Variants in MEMO1 observed in about 807,000 individuals in gnomAD.
MEMO1 encodes protein MEMO1.
Under a neutral mutation model 45.2 loss-of-function variants are expected in MEMO1, and 6 were observed. That is an observed-to-expected ratio of 0.13 (90% confidence interval 0.07 to 0.26). MEMO1 has a LOEUF of 0.26. MEMO1 is among the 10% of genes least tolerant of loss of function. The pLI, the probability that MEMO1 is intolerant of heterozygous loss-of-function variation, is 1.00. For missense variants in MEMO1, 184 were observed against 370.5 expected, an observed-to-expected ratio of 0.50 and a Z score of 4.13; for synonymous variants, 78 against 124.3, an observed-to-expected ratio of 0.63 and a Z score of 2.48.
rs188548601 is a variant in MEMO1, at chr2:31,902,926, C to G, written c.438-10792G>C. Among the ~76,000 whole-genome samples, 7 of 151,984 alleles carry G rather than the reference C, an allele frequency of 4.6e-5. No homozygotes were observed. In the East Asian group the frequency reaches 1.4e-3, roughly 29 times the overall value. On this transcript the variant is annotated intron_variant, in intron 6 of 9. Coordinates refer to ENST00000404530, the MANE Select transcript of MEMO1 (RefSeq NM_001301833.4). ...AAACAGACTATGAAAATTCTAAATT[C>G]TAATTCTAACATAAAAAGATGAATT... is the stretch of plus-strand genomic sequence containing the variant.
At chr2:31,962,795 G>C (rs1215659469) in intron 2 of MEMO1, among the ~76,000 whole-genome samples, 1 of 152,142 alleles carries the variant, frequency 6.6e-6, no homozygotes, top group Non-Finnish European at 1.5e-5. Flanking sequence ...TTTATGTGTT[G>C]ACTTAACTGG....
intron 2 of MEMO1, among the ~76,000 whole-genome samples, chr2:31,959,767 T>C (rs909076688): frequency 2.0e-4 from 20 of 99,662 alleles, no homozygotes; most frequent in Non-Finnish European, 3.8e-4. Context: ...AAACACAACC[T>C]TGGGCATCAG....
At chr2:31,889,998 G>C (rs556961904) in intron 7 of MEMO1, among the ~76,000 whole-genome samples, 9 of 152,004 alleles carry the variant, frequency 5.9e-5, no homozygotes, top group Non-Finnish European at 1.2e-4. Flanking sequence ...GAAATCAGGA[G>C]ACAAAACAAC....
intron 2 of MEMO1, among the ~76,000 whole-genome samples, chr2:31,997,316 C>G (rs1189080220): frequency 6.6e-6 from 1 of 152,136 alleles, no homozygotes; most frequent in African/African-American, 2.4e-5. Context: ...ACACTATATT[C>G]AGAGAAACAA....
At chr2:31,992,287 A>G (rs186295997) in intron 2 of MEMO1, among the ~76,000 whole-genome samples, 1 of 152,332 alleles carries the variant, frequency 6.6e-6, no homozygotes, top group Admixed American at 6.5e-5. Flanking sequence ...TCACTTACAT[A>G]TTAACTATAG....
chr2:31,991,839 TG>T (rs764754647), intron 2 of MEMO1, among the ~76,000 whole-genome samples: 2 of 152,172 alleles, frequency 1.3e-5, no homozygotes, highest in African/African-American at 4.8e-5. Context: ...AGGAGGGAAA[TG>T]TTTTTTTAAA....
Position 31,900,867 on chromosome 2 carries a change from C to T in MEMO1, c.438-8733G>A, listed in dbSNP as rs74775027. Among the ~76,000 whole-genome samples the T allele has an allele frequency of 1.8e-3, 276 of 152,134 alleles. 4 individuals are homozygous for T. In the East Asian group the frequency reaches 0.044, roughly 24 times the overall value. On this transcript the variant is annotated intron_variant, in intron 6 of 9. Transcript: ENST00000404530. ...ACTATTCCTAAAATATAAAATGGTA[C>T]AGTCACTTTGGAAAACACTTTGGTA...
chr2:31,894,597 A>C (rs539653837), intron 6 of MEMO1, among the ~76,000 whole-genome samples: 63 of 151,938 alleles, frequency 4.1e-4, no homozygotes, highest in Non-Finnish European at 7.9e-4. Context: ...TGTACAGGGG[A>C]CTCCCATAAG....
intron 8 of MEMO1, among the ~76,000 whole-genome samples, chr2:31,870,873 C>T (rs577765709): frequency 1.8e-4 from 28 of 152,140 alleles, no homozygotes; most frequent in Admixed American, 8.5e-4. Context: ...TCACTGCACC[C>T]GGCCTACAAC....
At chr2:31,949,880 G>C (rs1666635631) in intron 2 of MEMO1, among the ~76,000 whole-genome samples, 1 of 149,546 alleles carries the variant, frequency 6.7e-6, no homozygotes. Flanking sequence ...AACATCTCAT[G>C]TACCTCCCAT....
At chr2:31,874,834 A>T (rs998340793) in intron 8 of MEMO1, among the ~76,000 whole-genome samples, 2 of 151,930 alleles carry the variant, frequency 1.3e-5, no homozygotes, top group Non-Finnish European at 2.9e-5. Context: ...AATCTCTTAG[A>T]AAATAAATAT....
At chr2:31,896,031 G>GA (rs1465960234) in intron 6 of MEMO1, among the ~76,000 whole-genome samples, 4 of 151,600 alleles carry the variant, frequency 2.6e-5, no homozygotes, top group Middle Eastern at 3.2e-3. Context: ...TTTTAGTAGA[G>GA]ACGGGGTTTC....
chr2:31,978,419 G>A (rs538155458), intron 2 of MEMO1, among the ~76,000 whole-genome samples: 127 of 152,246 alleles, frequency 8.3e-4, no homozygotes, highest in Middle Eastern at 3.4e-3. Flanking sequence ...AAATGCAAGT[G>A]CAAATGCCTG....
intron 6 of MEMO1, among the ~76,000 whole-genome samples, chr2:31,905,870 C>T (rs1205663181): frequency 6.6e-6 from 1 of 152,158 alleles, no homozygotes; most frequent in African/African-American, 2.4e-5. Flanking sequence ...TGGTTCAAAG[C>T]CCCCATGATT....
intron 9 of MEMO1, among the ~76,000 whole-genome samples, chr2:31,868,693 T>C (rs1487713692): frequency 2.6e-5 from 4 of 152,192 alleles, no homozygotes; most frequent in Admixed American, 6.5e-5. Flanking sequence ...TAACTTCTAA[T>C]CTTGTTTTTT....
At chr2:31,939,788 T>C (rs946310054) in intron 3 of MEMO1, among the ~76,000 whole-genome samples, 1 of 152,140 alleles carries the variant, frequency 6.6e-6, no homozygotes, top group African/African-American at 2.4e-5. Flanking sequence ...ACAAATGAAA[T>C]AAAAATCCTC....
intron 7 of MEMO1, among the ~76,000 whole-genome samples, chr2:31,891,060 C>T (rs1676899755): frequency 1.3e-5 from 2 of 152,110 alleles, no homozygotes; most frequent in African/African-American, 4.8e-5. Flanking sequence ...TCAATTCTGG[C>T]AATCAGTGGG....
At chr2:31,924,779 A>T (rs1682840025) in intron 4 of MEMO1, among the ~76,000 whole-genome samples, 1 of 152,178 alleles carries the variant, frequency 6.6e-6, no homozygotes, top group African/African-American at 2.4e-5. Flanking sequence ...TTGCTGAAAA[A>T]TATGTATCAA....
At chr2:32,000,236 T>A (rs1673115569) in intron 2 of MEMO1, among the ~76,000 whole-genome samples, 2 of 151,298 alleles carry the variant, frequency 1.3e-5, no homozygotes, top group South Asian at 4.2e-4. Flanking sequence ...TTTACTTATT[T>A]TTTTTTTTTT....
Sources: gnomAD v4.1 joint callset for allele counts (sites outside exome capture counted in the v4.1 genomes callset) on GRCh38, gnomAD v4.1.1 for gene constraint, MANE v1.5 for transcripts, NCBI Gene and HGNC (gene_info 2026-07-23, HGNC 2026-07-21) for gene names.